The following CDCA7L variants were observed in gnomAD, a reference collection of about 807,000 sequenced individuals.
CDCA7L encodes the protein cell division cycle-associated 7-like protein.
Under a neutral mutation model 57.4 loss-of-function variants are expected in CDCA7L, and 44 were observed. That is an observed-to-expected ratio of 0.77 (90% confidence interval 0.60 to 0.98). The LOEUF is 0.98. Ranked by LOEUF, CDCA7L falls within the 50% of genes least tolerant of loss-of-function variation. CDCA7L has a pLI of 0.00. For synonymous variants in CDCA7L, 236 were observed against 202.8 expected (o/e 1.16, Z -1.39); for missense variants, 644 against 580.6 (o/e 1.11, Z -1.12).
chr7:21,915,184 T>G (rs893924713), intron 2 of CDCA7L, among the ~76,000 whole-genome samples: 1 of 151,708 alleles, frequency 6.6e-6, no homozygotes, highest in Non-Finnish European at 1.5e-5. Context: ...TTTCATCAAC[T>G]CCTGGACGGG....
chr7:21,913,197 A>G (rs937348068), intron 2 of CDCA7L, among the ~76,000 whole-genome samples: 3 of 152,224 alleles, frequency 2.0e-5, no homozygotes, highest in African/African-American at 7.2e-5. Flanking sequence ...TTACAGGGGC[A>G]CACAGAAAGA....
intron 1 of CDCA7L, among the ~76,000 whole-genome samples, chr7:21,938,098 C>T (rs544182798): frequency 7.9e-5 from 12 of 152,006 alleles, no homozygotes; most frequent in African/African-American, 2.9e-4. Context: ...GCAAAGGGCG[C>T]TATCAAGACA....
At chr7:21,921,366 A>G (rs1785647558) in intron 1 of CDCA7L, among the ~76,000 whole-genome samples, 1 of 132,268 alleles carries the variant, frequency 7.6e-6, no homozygotes, top group African/African-American at 2.8e-5. Context: ...AAACTGTAAA[A>G]TATTCAAGTG....
chr7:21,917,266 A>G (rs1362065295), intron 1 of CDCA7L, among the ~76,000 whole-genome samples: 3 of 152,232 alleles, frequency 2.0e-5, no homozygotes, highest in Non-Finnish European at 4.4e-5. Flanking sequence ...AAAAGATGCC[A>G]TAAAATATCA....
chr7:21,937,931 G>A (rs1583878791), intron 1 of CDCA7L, among the ~76,000 whole-genome samples: 2 of 152,090 alleles, frequency 1.3e-5, no homozygotes, highest in East Asian at 3.9e-4. Flanking sequence ...ACTAACTCAA[G>A]ATGGATCAAA....
chr7:21,912,281 G>A (rs796928399), intron 2 of CDCA7L, among the ~76,000 whole-genome samples: 14 of 152,178 alleles, frequency 9.2e-5, no homozygotes, highest in African/African-American at 3.1e-4. Flanking sequence ...GTGACAGAGT[G>A]AGACCCTCTC....
rs777855441 is a variant in CDCA7L, at chr7:21,945,785, T to C, written c.20A>G (p.Tyr7Cys). The stretch of plus-strand genomic sequence containing the variant: ...GGCGGGCGGCCGGACCCTCACCTGG[T>C]AGCGAGTCGCCAACTCCATTCTTCC... The part of the protein sequence containing the change: MELATR[Y>C]QIPKEVADIF... The change falls in exon 1 of 10, where the codon TAC becomes TGC. Residue 7 changes from tyrosine to cysteine, a missense_variant. Coordinates refer to ENST00000406877, the MANE Select transcript of CDCA7L (RefSeq NM_018719.5). 3 of 1,600,420 alleles carry C rather than the reference T, an allele frequency of 1.9e-6. No individual in the cohort carries two copies. The South Asian group carries it at 3.4e-5, about 18-fold the overall frequency.
At chr7:21,927,223 T>G (rs1785857515) in intron 1 of CDCA7L, among the ~76,000 whole-genome samples, 1 of 152,182 alleles carries the variant, frequency 6.6e-6, no homozygotes, top group Non-Finnish European at 1.5e-5. Context: ...CTGGACTTAC[T>G]AGACAAAGAA....
At chr7:21,937,476 A>G (rs1488937526) in intron 1 of CDCA7L, among the ~76,000 whole-genome samples, 1 of 151,912 alleles carries the variant, frequency 6.6e-6, no homozygotes, top group Non-Finnish European at 1.5e-5. Flanking sequence ...CTCTACTAAA[A>G]TACAAAAAAA....
At chr7:21,910,746 C>G (rs1785291354) in intron 3 of CDCA7L, among the ~76,000 whole-genome samples, 1 of 152,126 alleles carries the variant, frequency 6.6e-6, no homozygotes, top group Admixed American at 6.5e-5. Flanking sequence ...AAATAACTAA[C>G]AAGTCTGTTC....
intron 2 of CDCA7L, among the ~76,000 whole-genome samples, chr7:21,912,622 GC>G (rs1470601145): frequency 6.6e-6 from 1 of 152,178 alleles, no homozygotes; most frequent in Non-Finnish European, 1.5e-5. Context: ...TTCACCAACA[GC>G]GAGCTTCTCT....
intron 2 of CDCA7L, among the ~76,000 whole-genome samples, chr7:21,913,174 C>G (rs952934519): frequency 2.2e-4 from 33 of 152,094 alleles, no homozygotes; most frequent in Admixed American, 1.5e-3. Context: ...ATATAATAGA[C>G]AAGTGGAAAA....
intron 1 of CDCA7L, among the ~76,000 whole-genome samples, chr7:21,918,387 T>C (rs1047380694): frequency 2.0e-5 from 3 of 152,234 alleles, no homozygotes; most frequent in African/African-American, 7.2e-5. Flanking sequence ...CTCTGTATCA[T>C]CATCAAATGT....
At chr7:21,938,538 C>T (rs1328816034) in intron 1 of CDCA7L, among the ~76,000 whole-genome samples, 1 of 152,088 alleles carries the variant, frequency 6.6e-6, no homozygotes, top group Non-Finnish European at 1.5e-5. Context: ...CCCAGCAATT[C>T]TACTTTTAGG....
rs1562616511 is a variant in CDCA7L at position 21,901,931 on chromosome 7, C to T, written c.*391G>A. 2 of 239,996 alleles carry T rather than the reference C, an allele frequency of 8.3e-6. No individual in the cohort carries two copies. Among genetic ancestry groups the T allele is most frequent in the Middle Eastern group, 1.5e-3 (1 of 646 alleles). The allele number at this position is 239,996 out of a possible 1,614,324, so 14.9% of individuals were successfully genotyped here. A position where few individuals can be genotyped will look rare whatever the true frequency, so the allele number is the denominator to read the frequency against. On this transcript the variant is annotated 3_prime_UTR_variant, in exon 10 of 10. Transcript: ENST00000406877. ...AACTGTGGTCACTCGTGCTAAGGCA[C>T]ACTTGGCCTGGAGTGAGTTACTGTT...
At chr7:21,909,069 A>G (rs536802215) in intron 3 of CDCA7L, among the ~76,000 whole-genome samples, 1 of 152,294 alleles carries the variant, frequency 6.6e-6, no homozygotes, top group Non-Finnish European at 1.5e-5. Context: ...GAACCCTCAG[A>G]GCCATGAGGT....
intron 9 of CDCA7L, 35 bp downstream of exon 9, chr7:21,902,943 C>T: frequency 4.4e-6 from 7 of 1,600,896 alleles, no homozygotes; most frequent in Non-Finnish European, 5.1e-6. Flanking sequence ...CTCAAGATTT[C>T]AAGCTGTTTT....
At chr7:21,917,352 A>G (rs918308011) in intron 1 of CDCA7L, among the ~76,000 whole-genome samples, 1 of 152,196 alleles carries the variant, frequency 6.6e-6, no homozygotes, top group Admixed American at 6.5e-5. Context: ...AGAAAGTAGA[A>G]AGTTCATACA....
intron 9 of CDCA7L, 73 bp from the exon 10 acceptor site, chr7:21,902,425 C>CACAATCATCTAAG (rs1554294877): frequency 1.4e-6 from 2 of 1,409,192 alleles, no homozygotes; most frequent in Non-Finnish European, 2.0e-6. Context: ...TGAGAGATTC[C>CACAATCATCTAAG]ACAATCATCT....
Sources: gnomAD v4.1 joint callset for allele counts (sites outside exome capture counted in the v4.1 genomes callset) on GRCh38, gnomAD v4.1.1 for gene constraint, MANE v1.5 for transcripts, NCBI Gene and HGNC (gene_info 2026-07-23, HGNC 2026-07-21) for gene names.